Variants in DISC1 observed in about 807,000 individuals in gnomAD.
The protein encoded by DISC1 is DISC1 scaffold protein, also known as disrupted in schizophrenia 1 protein.
A neutral mutation model predicts 84.5 loss-of-function variants in DISC1; 57 were observed. That is an observed-to-expected ratio of 0.67 (90% CI 0.55 to 0.84). The LOEUF is 0.84. DISC1 is among the 40% of genes least tolerant of loss of function. The probability of loss-of-function intolerance (pLI) is 0.00; values close to 1 mark genes in which losing one functional copy is unlikely to be tolerated. For missense variants in DISC1, 1,000 were observed against 1,057.8 expected (o/e 0.95, Z 0.76); for synonymous variants, 411 against 415.2 (o/e 0.99, Z 0.12).
In DISC1 at chr1:232,041,041, T is replaced by TATC. The variant is rs1670764279; in HGVS notation, c.*4211_*4213dup. On this transcript the variant is annotated 3_prime_UTR_variant, in exon 13 of 13. Transcript: ENST00000439617. ...ACTTTTACTTTTAATATCCTCACCTTATCTAATCTTTGAATTTTGTCATGT... is the reference window on the plus strand; with the variant it reads ...ACTTTTACTTTTAATATCCTCACCTTATCATCTAATCTTTGAATTTTGTCATGT... 1 of 152,242 alleles carries TATC rather than the reference T, an allele frequency of 6.6e-6. No individual in the cohort carries two copies. The highest frequency in any genetic ancestry group is 1.9e-4 in the East Asian group (1 of 5,208). 9.4% of individuals were successfully genotyped at this position (152,242 alleles called of 1,614,324 possible). A position where few individuals can be genotyped will look rare whatever the true frequency, so the allele number is the denominator to read the frequency against.
chr1:231,967,321 A>G (rs897060849), intron 10 of DISC1, among the ~76,000 whole-genome samples: 11 of 152,224 alleles, frequency 7.2e-5, no homozygotes, highest in African/African-American at 2.7e-4. Flanking sequence ...AAATTGGAGC[A>G]ATTGTTTCCA....
At position 231,965,380 on chromosome 1, in the gene DISC1, C is replaced by T. The variant is rs535934924; in HGVS notation, c.2042+6492C>T. Among the ~76,000 whole-genome samples, 7 of 152,276 alleles carry T rather than the reference C, an allele frequency of 4.6e-5. No individual in the cohort carries two copies. In the South Asian group the frequency reaches 1.5e-3, roughly 32 times the overall value. On this transcript the variant is annotated intron_variant, in intron 10 of 12. Coordinates refer to ENST00000439617, the MANE Select transcript of DISC1 (RefSeq NM_018662.3). The stretch of plus-strand genomic sequence containing the variant: ...TATCCCTCCTTCTCCTTATCCATAG[C>T]CAAATATCCAGGAGGGTGACTGCGG...
chr1:231,946,174 G>A (rs1029699773), intron 9 of DISC1, among the ~76,000 whole-genome samples: 2 of 152,052 alleles, frequency 1.3e-5, no homozygotes, highest in Non-Finnish European at 2.9e-5. Flanking sequence ...AAAATTTCAG[G>A]CCAATATTTC....
rs537961723 is a variant in DISC1 at position 231,703,874 on chromosome 1, T to A, written c.1117+1850T>A. Among the ~76,000 whole-genome samples the A allele has an allele frequency of 2.0e-5, 3 of 152,318 alleles. No homozygotes were observed. The East Asian group carries it at 5.8e-4, about 29-fold the overall frequency. On this transcript the variant is annotated intron_variant, in intron 3 of 12. Transcript: ENST00000439617. ...TGTTTTCCCAAGCCTTCCTGGTGACTGGGGTGTGTCCTGAGGCTTGAGAAA... is the reference window on the plus strand; with the variant it reads ...TGTTTTCCCAAGCCTTCCTGGTGACAGGGGTGTGTCCTGAGGCTTGAGAAA...
intron 8 of DISC1, among the ~76,000 whole-genome samples, chr1:231,807,648 C>A (rs552760934): frequency 6.6e-6 from 1 of 152,290 alleles, no homozygotes; most frequent in East Asian, 1.9e-4. Flanking sequence ...TAGGATCCAT[C>A]CTCTGTCAGG....
At chr1:231,845,242 T>C (rs1034933468) in intron 9 of DISC1, among the ~76,000 whole-genome samples, 2 of 152,222 alleles carry the variant, frequency 1.3e-5, no homozygotes, top group African/African-American at 4.8e-5. Context: ...AACTTAGAAT[T>C]TTGTTTTTGG....
At chr1:231,916,732 A>G (rs2089667759) in intron 9 of DISC1, among the ~76,000 whole-genome samples, 3 of 152,028 alleles carry the variant, frequency 2.0e-5, no homozygotes, top group African/African-American at 7.2e-5. Flanking sequence ...TAGCAATGCA[A>G]ATTCTGTGCA....
chr1:231,770,716 G>A (rs2076493397), intron 5 of DISC1, 119 bp from the exon 6 acceptor site: 3 of 1,512,580 alleles, frequency 2.0e-6, no homozygotes, highest in Non-Finnish European at 2.7e-6. Context: ...TGCCTCAGAA[G>A]GGGAGTTTTG....
intron 10 of DISC1, among the ~76,000 whole-genome samples, chr1:231,978,042 G>A (rs1413450880): frequency 6.6e-6 from 1 of 151,770 alleles, no homozygotes; most frequent in Non-Finnish European, 1.5e-5. Flanking sequence ...ACGGAATTTG[G>A]CAAATGTGTT....
intron 9 of DISC1, among the ~76,000 whole-genome samples, chr1:231,850,287 A>G (rs1288850939): frequency 1.3e-5 from 2 of 152,250 alleles, no homozygotes; most frequent in Non-Finnish European, 2.9e-5. Context: ...ATCAGGGAAC[A>G]GACGGAGGCG....
rs759361406 is a variant in DISC1, at chr1:231,903,697, T to G, written c.1982-55131T>G. ...GAGCCTCAAGGCCTTTAGGCCACAGTGTGTTGGGCATCTGTGAGGAGCTGC... is the reference window on the plus strand; with the variant it reads ...GAGCCTCAAGGCCTTTAGGCCACAGGGTGTTGGGCATCTGTGAGGAGCTGC... On this transcript the variant is annotated intron_variant, in intron 9 of 12. Transcript: ENST00000439617. 9.2e-4 allele frequency among the ~76,000 whole-genome samples: 140 copies of G among 151,882 alleles called. 2 individuals are homozygous for G. Among genetic ancestry groups the G allele is most frequent in the Non-Finnish European group, 5.4e-4 (37 of 67,966 alleles).
At chr1:231,759,255 C>G (rs950225637) in intron 4 of DISC1, among the ~76,000 whole-genome samples, 3 of 152,130 alleles carry the variant, frequency 2.0e-5, no homozygotes, top group African/African-American at 7.2e-5. Context: ...ACACAGCATT[C>G]AGTGTCACAG....
At chr1:231,757,836 C>T (rs2125371013) in intron 4 of DISC1, among the ~76,000 whole-genome samples, 1 of 152,264 alleles carries the variant, frequency 6.6e-6, no homozygotes, top group South Asian at 2.1e-4. Context: ...GTTCCTTAGA[C>T]AATGCTGCAG....
chr1:231,912,558 G>T (rs1183292823), intron 9 of DISC1, among the ~76,000 whole-genome samples: 2 of 152,144 alleles, frequency 1.3e-5, no homozygotes, highest in African/African-American at 2.4e-5. Flanking sequence ...TCTCAGAGGG[G>T]CACCTGGCCA....
At chr1:231,988,102 C>T (rs989615164) in intron 10 of DISC1, among the ~76,000 whole-genome samples, 10 of 152,168 alleles carry the variant, frequency 6.6e-5, no homozygotes, top group Admixed American at 5.9e-4. Context: ...AAGAGAATCA[C>T]TTGAACCTGG....
intron 1 of DISC1, among the ~76,000 whole-genome samples, chr1:231,629,806 A>G (rs2058561999): frequency 6.6e-6 from 1 of 152,214 alleles, no homozygotes; most frequent in East Asian, 1.9e-4. Context: ...CTTTTTTTAA[A>G]ATCTAAAAAT....
At chr1:232,001,630 G>C (rs1754607) in intron 10 of DISC1, among the ~76,000 whole-genome samples, 1 of 151,970 alleles carries the variant, frequency 6.6e-6, no homozygotes, top group Admixed American at 6.6e-5. Context: ...AAGTAATTCA[G>C]TGAAGGAACA....
intron 10 of DISC1, among the ~76,000 whole-genome samples, chr1:231,990,840 T>A (rs1164878375): frequency 3.9e-5 from 6 of 152,208 alleles, no homozygotes; most frequent in Admixed American, 3.3e-4. Flanking sequence ...CTCCTAACTT[T>A]GTCATAGACG....
intron 9 of DISC1, among the ~76,000 whole-genome samples, chr1:231,956,669 A>G (rs184265349): frequency 1.1e-4 from 17 of 152,306 alleles, no homozygotes; most frequent in Non-Finnish European, 2.2e-4. Context: ...ACCATTAATT[A>G]TGTGCAAAAT....
Sources: gnomAD v4.1 joint callset for allele counts (sites outside exome capture counted in the v4.1 genomes callset) on GRCh38, gnomAD v4.1.1 for gene constraint, MANE v1.5 for transcripts, NCBI Gene and HGNC (gene_info 2026-07-23, HGNC 2026-07-21) for gene names.